CACNA2D2: variants seen among roughly 807,000 people sequenced by gnomAD.
CACNA2D2 encodes voltage-dependent calcium channel subunit alpha-2/delta-2.
Under a neutral mutation model 166.4 loss-of-function variants are expected in CACNA2D2, and 48 were observed. The ratio of observed to expected loss-of-function variants is 0.29; its 90% CI spans 0.23 to 0.37. The LOEUF (loss-of-function observed/expected upper bound fraction) is 0.37. Ranked by LOEUF, CACNA2D2 falls within the 10% of genes least tolerant of loss-of-function variation. CACNA2D2 has a pLI of 1.00. For synonymous variants in CACNA2D2, 561 were observed against 573.7 expected (o/e 0.98, Z 0.32); for missense variants, 1,122 against 1,433.0 (o/e 0.78, Z 3.50).
chr3:50,389,868 C>T (rs1162076807), intron 4 of CACNA2D2, among the ~76,000 whole-genome samples: 6 of 152,300 alleles, frequency 3.9e-5, no homozygotes, highest in African/African-American at 1.2e-4. Flanking sequence ...TCTAGGAGGG[C>T]GAGACCATGC....
intron 1 of CACNA2D2, among the ~76,000 whole-genome samples, chr3:50,497,570 G>A (rs557850866): frequency 1.8e-4 from 27 of 152,298 alleles, no homozygotes; most frequent in African/African-American, 5.5e-4. Context: ...GACCAGGACC[G>A]GGGACACCAA....
At chr3:50,386,687 C>G (rs1185565491) in intron 5 of CACNA2D2, among the ~76,000 whole-genome samples, 2 of 152,170 alleles carry the variant, frequency 1.3e-5, no homozygotes, top group Non-Finnish European at 2.9e-5. Flanking sequence ...GTACCTCTCA[C>G]TTGCCCCAGG....
chr3:50,414,264 G>A (rs574126840), intron 3 of CACNA2D2, among the ~76,000 whole-genome samples: 11 of 152,112 alleles, frequency 7.2e-5, no homozygotes, highest in South Asian at 2.1e-4. Flanking sequence ...CCACATACCC[G>A]CACCGTGCAA....
intron 37 of CACNA2D2, 34 bp downstream of exon 37, chr3:50,364,854 G>T: frequency 6.2e-7 from 1 of 1,613,280 alleles, no homozygotes; most frequent in Non-Finnish European, 8.5e-7. Flanking sequence ...GCGCAAGGCC[G>T]CGGGATTTCG....
chr3:50,475,486 C>T (rs1005411821), intron 2 of CACNA2D2, among the ~76,000 whole-genome samples: 7 of 152,170 alleles, frequency 4.6e-5, no homozygotes, highest in Non-Finnish European at 1.5e-5. Flanking sequence ...TGCATCTCCA[C>T]GTAGAGAGCA....
intron 3 of CACNA2D2, among the ~76,000 whole-genome samples, chr3:50,404,364 C>A (rs1396122796): frequency 2.0e-5 from 3 of 152,112 alleles, no homozygotes; most frequent in Non-Finnish European, 4.4e-5. Flanking sequence ...ACCCATTAGC[C>A]CCACCCAGCT....
intron 2 of CACNA2D2, among the ~76,000 whole-genome samples, chr3:50,457,846 A>G (rs150891543): frequency 3.0e-4 from 45 of 152,320 alleles, no homozygotes; most frequent in African/African-American, 9.6e-4. Context: ...GAAGAAGCTC[A>G]ATCTCAATAG....
intron 1 of CACNA2D2, among the ~76,000 whole-genome samples, chr3:50,482,605 A>G (rs1290635432): frequency 1.3e-5 from 2 of 152,332 alleles, no homozygotes; most frequent in Middle Eastern, 3.4e-3. Context: ...AGGTCCATCC[A>G]GAAGGTGGGA....
Position 50,380,311 on chromosome 3 carries a change from C to T in CACNA2D2, c.843-293G>A, listed in dbSNP as rs1705234552. Among the ~76,000 whole-genome samples the T allele has an allele frequency of 1.3e-5, 2 of 152,230 alleles. No homozygotes were observed. On this transcript the variant is annotated intron_variant, in intron 8 of 37. Coordinates refer to ENST00000424201, the MANE Select transcript of CACNA2D2 (RefSeq NM_006030.4). This position sits in a 1 kb window ranked among gnomAD's most constrained non-coding sequence, Gnocchi z 4.9. Reference sequence around the variant, plus strand: ...CTTCAGTGGCTTGTTGTGTCCTCTGCCTCAGGTTGGGGCCCCGAGGGCACA... The same window carrying T: ...CTTCAGTGGCTTGTTGTGTCCTCTGTCTCAGGTTGGGGCCCCGAGGGCACA...
intron 3 of CACNA2D2, chr3:50,415,906 A>C (rs531726996): frequency 1.3e-5 from 2 of 152,388 alleles, no homozygotes; most frequent in South Asian, 4.1e-4. Flanking sequence ...TCCTTTGCCC[A>C]GAATGTTGTG....
chr3:50,393,714 G>C (rs1023375143), intron 4 of CACNA2D2, among the ~76,000 whole-genome samples: 3 of 152,238 alleles, frequency 2.0e-5, no homozygotes, highest in Non-Finnish European at 4.4e-5. Context: ...GGAAGTCAGG[G>C]AAGGGCATTT....
At chr3:50,444,394 T>G (rs757351159) in intron 2 of CACNA2D2, among the ~76,000 whole-genome samples, 4 of 152,244 alleles carry the variant, frequency 2.6e-5, no homozygotes, top group Admixed American at 6.5e-5. Flanking sequence ...TGCTCTGCCC[T>G]TAAGCAGCCT....
chr3:50,365,012 G>A lies in CACNA2D2; in HGVS notation c.3209-42C>T, dbSNP rs1180355048. On this transcript the variant is annotated intron_variant, in intron 36 of 37. Transcript: ENST00000424201. This position sits in a 1 kb window ranked among gnomAD's most constrained non-coding sequence, Gnocchi z 4.5. ...AGTCAAGGAGGCGGACGGCGGCGGC[G>A]GCACGGAGGGGGCGCGCGGGGCAGA... The A allele has an allele frequency of 5.0e-6, 8 of 1,605,728 alleles. No individual in the cohort carries two copies. Among genetic ancestry groups the A allele is most frequent in the South Asian group, 3.3e-5 (3 of 90,820 alleles).
chr3:50,462,474 T>C (rs900585565), intron 2 of CACNA2D2, among the ~76,000 whole-genome samples: 3 of 151,598 alleles, frequency 2.0e-5, no homozygotes, highest in Non-Finnish European at 2.9e-5. Context: ...CAGTTTTTAC[T>C]GGTAGGAAAC....
chr3:50,367,671 G>A lies in CACNA2D2; in HGVS notation c.2268C>T (p.Asp756=), dbSNP rs375235408. Reference sequence around the variant, plus strand: ...TGGGGAAGACTCGGGTGATGCCACCGTCTGTGGCAGCGAACACGGCCAGTA... The same window carrying A: ...TGGGGAAGACTCGGGTGATGCCACCATCTGTGGCAGCGAACACGGCCAGTA... ...YSLLAVFAAT[D]GGITRVFPNK... is the part of the protein sequence containing the mutation. Residue 756 remains aspartate, a synonymous_variant, in exon 26 of 38, where the codon GAC becomes GAT. Coordinates refer to ENST00000424201, the MANE Select transcript of CACNA2D2 (RefSeq NM_006030.4). The surrounding 1 kb of genome is among the most constrained non-coding windows in gnomAD (Gnocchi z 6.5). 27 of 1,612,296 alleles carry A rather than the reference G, an allele frequency of 1.7e-5. No homozygotes were observed. The Middle Eastern group carries it at 6.6e-4, about 39-fold the overall frequency.
intron 2 of CACNA2D2, among the ~76,000 whole-genome samples, chr3:50,474,690 G>A (rs911241700): frequency 6.6e-6 from 1 of 152,174 alleles, no homozygotes; most frequent in Admixed American, 6.5e-5. Flanking sequence ...TATGAAACTT[G>A]GAAAGGTGCT....
chr3:50,367,331 G>T lies in CACNA2D2; in HGVS notation c.2401+63C>A. ...CCTCAGACAGCAGAGCCCAGTTCTG[G>T]CTGAGCAGACAGGGAAGCTGAGGCT... On this transcript the variant is annotated intron_variant, in intron 27 of 37. Transcript: ENST00000424201. The surrounding 1 kb of genome is among the most constrained non-coding windows in gnomAD (Gnocchi z 6.5). The T allele has an allele frequency of 6.8e-7, 1 of 1,459,910 alleles. No individual in the cohort carries two copies. The highest frequency in any genetic ancestry group is 9.6e-7 in the Non-Finnish European group (1 of 1,045,654). The allele number at this position is 1,459,910 out of a possible 1,614,324, so 90.4% of individuals were successfully genotyped here. A position where few individuals can be genotyped will look rare whatever the true frequency, so the allele number is the denominator to read the frequency against.
intron 3 of CACNA2D2, among the ~76,000 whole-genome samples, chr3:50,432,472 T>TA (rs1312579984): frequency 2.0e-5 from 3 of 151,874 alleles, no homozygotes; most frequent in African/African-American, 7.3e-5. Context: ...AGCTAGGAAG[T>TA]AGTGTGCAAA....
intron 2 of CACNA2D2, among the ~76,000 whole-genome samples, chr3:50,468,340 C>T (rs1405289744): frequency 6.8e-6 from 1 of 147,398 alleles, no homozygotes; most frequent in Non-Finnish European, 1.5e-5. Flanking sequence ...GGCCAGCCTC[C>T]CTAGGGACCT....
Sources: gnomAD v4.1 joint callset for allele counts (sites outside exome capture counted in the v4.1 genomes callset) on GRCh38, gnomAD v4.1.1 for gene constraint, Gnocchi (gnomAD v3.1) non-coding constraint, MANE v1.5 for transcripts, NCBI Gene and HGNC (gene_info 2026-07-23, HGNC 2026-07-21) for gene names.